AHCYL2: variants seen among roughly 807,000 people sequenced by gnomAD.
AHCYL2 encodes the protein S-adenosylhomocysteine hydrolase-like protein 2.
Under a neutral mutation model 81.4 loss-of-function variants are expected in AHCYL2, and 28 were observed. The ratio of observed to expected loss-of-function variants is 0.34; its 90% CI spans 0.25 to 0.47. The LOEUF (loss-of-function observed/expected upper bound fraction) is 0.47. AHCYL2 is among the 20% of genes least tolerant of loss of function. The pLI is 1.00. For synonymous variants in AHCYL2, 272 were observed against 290.2 expected, an observed-to-expected ratio of 0.94 and a Z score of 0.64; for missense variants, 551 against 785.1, an observed-to-expected ratio of 0.70 and a Z score of 3.56.
rs1563194726 is a variant in AHCYL2, at chr7:129,319,322, G to T, written c.364-60316G>T. Among the ~76,000 whole-genome samples the T allele has an allele frequency of 2.0e-5, 3 of 152,000 alleles. No homozygotes were observed. In the South Asian group the frequency reaches 6.2e-4, roughly 32 times the overall value. ...ATATAAAAATTAGCCAGGCCTGGTGGTGCCCACCTGTAATCCCAACTACGT... is the reference window on the plus strand; with the variant it reads ...ATATAAAAATTAGCCAGGCCTGGTGTTGCCCACCTGTAATCCCAACTACGT... On this transcript the variant is annotated intron_variant, in intron 1 of 16. Transcript: ENST00000325006.
chr7:129,332,145 T>C (rs776325451), intron 1 of AHCYL2, among the ~76,000 whole-genome samples: 3 of 152,194 alleles, frequency 2.0e-5, no homozygotes, highest in Non-Finnish European at 4.4e-5. Flanking sequence ...AAGGATTTAT[T>C]CTAAAATGTC....
chr7:129,413,476 G>C (rs1045555760), intron 11 of AHCYL2, 118 bp from the exon 12 acceptor site: 15 of 827,852 alleles, frequency 1.8e-5, no homozygotes, highest in Non-Finnish European at 2.7e-5. Flanking sequence ...TCTTCTTATT[G>C]GGTTGTAAGA....
At chr7:129,270,434 C>G (rs1171952326) in intron 1 of AHCYL2, among the ~76,000 whole-genome samples, 4 of 152,144 alleles carry the variant, frequency 2.6e-5, no homozygotes, top group Admixed American at 2.6e-4. Flanking sequence ...TTGAGTTTCT[C>G]TTCCTGTGAC....
chr7:129,276,152 TGG>T (rs1243734198), intron 1 of AHCYL2, among the ~76,000 whole-genome samples: 1 of 151,924 alleles, frequency 6.6e-6, no homozygotes, highest in Admixed American at 6.6e-5. Context: ...AAAATAATAA[TGG>T]AAATTATAAG....
At chr7:129,339,222 G>A (rs1563202624) in intron 1 of AHCYL2, among the ~76,000 whole-genome samples, 1 of 152,112 alleles carries the variant, frequency 6.6e-6, no homozygotes, top group African/African-American at 2.4e-5. Flanking sequence ...CCAGTTCTAG[G>A]TGTAGAAAAA....
chr7:129,318,576 G>T (rs892502459), intron 1 of AHCYL2, among the ~76,000 whole-genome samples: 2 of 152,090 alleles, frequency 1.3e-5, no homozygotes, highest in African/African-American at 2.4e-5. Flanking sequence ...ATGGTGTAGA[G>T]AAATTTGGGT....
chr7:129,403,365 GC>G lies in AHCYL2; in HGVS notation c.919-13del. ...CAGCAAAGTGAATGATGTTATTGATGCTTACTATTGCAGATCTTGGATGATG... is the reference window on the plus strand; with the variant it reads ...CAGCAAAGTGAATGATGTTATTGATGTTACTATTGCAGATCTTGGATGATG... On this transcript the variant is annotated splice_polypyrimidine_tract_variant and intron_variant, in intron 6 of 16. Transcript: ENST00000325006. 1 of 1,565,642 alleles carries G rather than the reference GC, an allele frequency of 6.4e-7. No homozygotes were observed. Among genetic ancestry groups the G allele is most frequent in the Non-Finnish European group, 8.7e-7 (1 of 1,145,606 alleles).
chr7:129,348,938 A>C (rs1216284002), intron 1 of AHCYL2, among the ~76,000 whole-genome samples: 1 of 152,230 alleles, frequency 6.6e-6, no homozygotes, highest in Non-Finnish European at 1.5e-5. Flanking sequence ...CTAAAAAGTT[A>C]AAACACACTA....
At chr7:129,290,948 A>G (rs1050191948) in intron 1 of AHCYL2, among the ~76,000 whole-genome samples, 3 of 151,818 alleles carry the variant, frequency 2.0e-5, no homozygotes, top group South Asian at 2.1e-4. Context: ...AAAACAAAAC[A>G]AAACAGTTAA....
chr7:129,278,761 CTCT>C (rs1384571647), intron 1 of AHCYL2, among the ~76,000 whole-genome samples: 2 of 113,602 alleles, frequency 1.8e-5, no homozygotes, highest in Non-Finnish European at 1.9e-5. Flanking sequence ...TGTATTGAAG[CTCT>C]TTTTTTTTTT....
At position 129,348,404 on chromosome 7, in the gene AHCYL2, A is replaced by C. The variant is rs865940630; in HGVS notation, c.364-31234A>C. ...AAAAAGAAACAATAACCCCCCCCCC[A>C]CACACACACATACATGCTTTTATGA... is the stretch of plus-strand genomic sequence containing the variant. On this transcript the variant is annotated intron_variant, in intron 1 of 16. Transcript: ENST00000325006. 9.3e-3 allele frequency among the ~76,000 whole-genome samples: 1,333 copies of C among 143,320 alleles called. 7 individuals carry two copies. The highest frequency in any genetic ancestry group is 0.072 in the Middle Eastern group (21 of 290). 94.0% of individuals were successfully genotyped at this position (143,320 alleles called of 152,430 possible).
intron 1 of AHCYL2, among the ~76,000 whole-genome samples, chr7:129,249,885 C>G (rs1054091698): frequency 6.6e-6 from 1 of 152,116 alleles, no homozygotes; most frequent in African/African-American, 2.4e-5. Flanking sequence ...ATATTGTAGC[C>G]TGTATTAGAA....
At chr7:129,408,827 A>C (rs940001821) in intron 10 of AHCYL2, among the ~76,000 whole-genome samples, 1 of 152,196 alleles carries the variant, frequency 6.6e-6, no homozygotes, top group East Asian at 1.9e-4. Flanking sequence ...GTAAGAGGAA[A>C]ACCAGGAGAG....
intron 1 of AHCYL2, among the ~76,000 whole-genome samples, chr7:129,379,132 T>A (rs1247584579): frequency 6.6e-6 from 1 of 151,890 alleles, no homozygotes; most frequent in Non-Finnish European, 1.5e-5. Flanking sequence ...AATATAAAAA[T>A]TAGCAGGTCA....
intron 1 of AHCYL2, among the ~76,000 whole-genome samples, chr7:129,338,306 G>A (rs935770748): frequency 6.6e-6 from 1 of 152,030 alleles, no homozygotes; most frequent in African/African-American, 2.4e-5. Flanking sequence ...GTACCACCAC[G>A]CCTGGCTAAT....
At chr7:129,337,494 G>A (rs1798644844) in intron 1 of AHCYL2, among the ~76,000 whole-genome samples, 1 of 152,008 alleles carries the variant, frequency 6.6e-6, no homozygotes, top group African/African-American at 2.4e-5. Context: ...CCACCTGCCG[G>A]GTTAAAACAA....
chr7:129,331,341 A>G (rs974187940), intron 1 of AHCYL2, among the ~76,000 whole-genome samples: 8 of 152,174 alleles, frequency 5.3e-5, no homozygotes, highest in South Asian at 2.1e-4. Flanking sequence ...TCACAGACAT[A>G]AAGATTTAGA....
At chr7:129,302,644 T>C (rs1797293536) in intron 1 of AHCYL2, among the ~76,000 whole-genome samples, 1 of 152,270 alleles carries the variant, frequency 6.6e-6, no homozygotes, top group Non-Finnish European at 1.5e-5. Flanking sequence ...TTCACTCTGA[T>C]GATAGGCTGT....
At chr7:129,420,748 A>G (rs1261512117) in intron 12 of AHCYL2, among the ~76,000 whole-genome samples, 1 of 152,068 alleles carries the variant, frequency 6.6e-6, no homozygotes, top group Non-Finnish European at 1.5e-5. Flanking sequence ...GGCCTCCCAA[A>G]GTGTTGGGAT....
Sources: gnomAD v4.1 joint callset for allele counts (sites outside exome capture counted in the v4.1 genomes callset) on GRCh38, gnomAD v4.1.1 for gene constraint, MANE v1.5 for transcripts, NCBI Gene and HGNC (gene_info 2026-07-23, HGNC 2026-07-21) for gene names.